The following TAFA1 variants were observed in gnomAD, a reference collection of about 807,000 sequenced individuals.
TAFA1 encodes the protein TAFA chemokine like family member 1.
Under a neutral mutation model 18.5 loss-of-function variants are expected in TAFA1, and 4 were observed. The observed-to-expected ratio is 0.22, with a 90% CI of 0.11 to 0.49. The LOEUF is 0.49. Among genes scored for constraint, TAFA1 ranks in the 20% least tolerant of loss-of-function variants. The pLI is 0.98. For missense variants in TAFA1, 147 were observed against 169.0 expected (o/e 0.87, Z 0.72); for synonymous variants, 56 against 55.2 (o/e 1.01, Z -0.06).
chr3:68,480,501 A>G (rs191265626), intron 3 of TAFA1, among the ~76,000 whole-genome samples: 150 of 152,354 alleles, frequency 9.8e-4, no homozygotes, highest in Admixed American at 1.3e-3. Flanking sequence ...AATCTCTGTT[A>G]TAACAGTGTC....
chr3:68,476,183 C>T (rs934228521), intron 3 of TAFA1, among the ~76,000 whole-genome samples: 1 of 152,148 alleles, frequency 6.6e-6, no homozygotes, highest in African/African-American at 2.4e-5. Flanking sequence ...TCTAATTAAA[C>T]TAAAGAGCTT....
chr3:68,410,951 A>C (rs1474288762), intron 2 of TAFA1, among the ~76,000 whole-genome samples: 1 of 152,206 alleles, frequency 6.6e-6, no homozygotes, highest in Non-Finnish European at 1.5e-5. Flanking sequence ...TAAACCTTAA[A>C]ATACAAATAC....
chr3:68,204,762 C>T lies in TAFA1; in HGVS notation c.118+198018C>T, dbSNP rs148145243. On this transcript the variant is annotated intron_variant, in intron 2 of 4. Coordinates refer to ENST00000478136, the MANE Select transcript of TAFA1 (RefSeq NM_213609.4). Reference sequence around the variant, plus strand: ...TGGTGAAATTTTTCAACTCCCTTTACGGGGAAACTGAAATTCTCAAGGCTG... The same window carrying T: ...TGGTGAAATTTTTCAACTCCCTTTATGGGGAAACTGAAATTCTCAAGGCTG... 3.1e-3 allele frequency among the ~76,000 whole-genome samples: 478 copies of T among 151,888 alleles called. 1 individual carries two copies. The highest frequency in any genetic ancestry group is 0.01 in the African/African-American group (428 of 41,492).
At chr3:68,038,159 C>G (rs552341247) in intron 2 of TAFA1, among the ~76,000 whole-genome samples, 1 of 152,010 alleles carries the variant, frequency 6.6e-6, no homozygotes, top group Non-Finnish European at 1.5e-5. Flanking sequence ...AATTCTTTAT[C>G]GTATTTTATC....
chr3:68,080,910 T>C (rs1051520346), intron 2 of TAFA1, among the ~76,000 whole-genome samples: 1 of 152,190 alleles, frequency 6.6e-6, no homozygotes, highest in African/African-American at 2.4e-5. Context: ...CAGAGTGTTT[T>C]CCAACTTGGT....
chr3:68,175,196 A>C (rs1397586274), intron 2 of TAFA1, among the ~76,000 whole-genome samples: 1 of 152,212 alleles, frequency 6.6e-6, no homozygotes, highest in African/African-American at 2.4e-5. Flanking sequence ...CAGGGCCCTC[A>C]TGCAGAACCT....
chr3:68,276,290 T>A (rs904056386), intron 2 of TAFA1, among the ~76,000 whole-genome samples: 3 of 152,170 alleles, frequency 2.0e-5, no homozygotes, highest in Admixed American at 2.0e-4. Context: ...TGGGGCTGAA[T>A]AATTCTTGGT....
chr3:68,200,617 T>G (rs1313382881), intron 2 of TAFA1, among the ~76,000 whole-genome samples: 3 of 151,638 alleles, frequency 2.0e-5, no homozygotes, highest in Non-Finnish European at 3.0e-5. Flanking sequence ...TTGTGAGCAT[T>G]GAGTTGTACA....
intron 2 of TAFA1, among the ~76,000 whole-genome samples, chr3:68,102,656 A>G (rs1321334252): frequency 1.3e-5 from 2 of 152,208 alleles, no homozygotes; most frequent in Non-Finnish European, 2.9e-5. Context: ...CTAAGTAGAT[A>G]GGAAAAAGAT....
At chr3:68,210,922 T>C (rs2066588809) in intron 2 of TAFA1, among the ~76,000 whole-genome samples, 1 of 151,984 alleles carries the variant, frequency 6.6e-6, no homozygotes, top group Non-Finnish European at 1.5e-5. Context: ...GCTACAGGCA[T>C]CTGTAAGCTT....
At chr3:68,445,060 G>C (rs2071452817) in intron 3 of TAFA1, among the ~76,000 whole-genome samples, 1 of 151,890 alleles carries the variant, frequency 6.6e-6, no homozygotes, top group Non-Finnish European at 1.5e-5. Context: ...GCCCATATCT[G>C]TGTTCAGTTT....
intron 3 of TAFA1, among the ~76,000 whole-genome samples, chr3:68,486,700 A>G (rs1254555344): frequency 2.0e-5 from 3 of 152,312 alleles, no homozygotes; most frequent in Admixed American, 6.5e-5. Context: ...TGCGAAAAGA[A>G]CCCTTGTTTG....
At chr3:68,072,517 G>A (rs1559726202) in intron 2 of TAFA1, among the ~76,000 whole-genome samples, 1 of 152,160 alleles carries the variant, frequency 6.6e-6, no homozygotes. Flanking sequence ...AGACCTGCAG[G>A]AGTCCAGGTG....
chr3:68,290,033 A>G (rs1271656750), intron 2 of TAFA1, among the ~76,000 whole-genome samples: 1 of 152,198 alleles, frequency 6.6e-6, no homozygotes, highest in Non-Finnish European at 1.5e-5. Flanking sequence ...TAACCCAGAT[A>G]ATATTCTGTT....
chr3:68,434,944 C>T (rs778685057), intron 3 of TAFA1, among the ~76,000 whole-genome samples: 6 of 152,136 alleles, frequency 3.9e-5, no homozygotes, highest in Non-Finnish European at 8.8e-5. Context: ...CTCTCTAATA[C>T]TGAGCATCAG....
chr3:68,071,769 G>A (rs372584207), intron 2 of TAFA1, among the ~76,000 whole-genome samples: 5 of 152,086 alleles, frequency 3.3e-5, no homozygotes, highest in African/African-American at 4.8e-5. Flanking sequence ...GCAACTGCTC[G>A]GCTTCTGGGG....
chr3:68,340,787 A>G (rs2069069344), intron 2 of TAFA1, among the ~76,000 whole-genome samples: 1 of 152,210 alleles, frequency 6.6e-6, no homozygotes. Flanking sequence ...TGGGATGGAT[A>G]CAAAACTAAA....
At chr3:68,135,890 A>G (rs1195917290) in intron 2 of TAFA1, among the ~76,000 whole-genome samples, 1 of 152,178 alleles carries the variant, frequency 6.6e-6, no homozygotes, top group East Asian at 1.9e-4. Context: ...TCTTATGTGC[A>G]TATAAATGTA....
intron 2 of TAFA1, among the ~76,000 whole-genome samples, chr3:68,202,442 T>C (rs2066479216): frequency 6.6e-6 from 1 of 151,780 alleles, no homozygotes; most frequent in Non-Finnish European, 1.5e-5. Flanking sequence ...TATTTTTGTC[T>C]GTGACTCTTT....
Sources: allele counts gnomAD v4.1 joint callset (sites outside exome capture counted in the v4.1 genomes callset), GRCh38; gene constraint gnomAD v4.1.1; transcripts MANE v1.5; gene names NCBI Gene and HGNC (gene_info 2026-07-23, HGNC 2026-07-21).